Variants in CENPW observed in about 807,000 individuals in gnomAD.
The protein encoded by CENPW is centromere protein W, also known as cancer-up-regulated gene 2 protein.
Under a neutral mutation model 11.1 loss-of-function variants are expected in CENPW, and 3 were observed. The ratio of observed to expected loss-of-function variants is 0.27; its 90% confidence interval spans 0.12 to 0.70. CENPW has a LOEUF of 0.70. Ranked by LOEUF, CENPW falls within the 30% of genes least tolerant of loss-of-function variation. CENPW has a pLI of 0.77. For synonymous variants in CENPW, 38 were observed against 42.0 expected (o/e 0.91, Z 0.37); for missense variants, 100 against 105.6 (o/e 0.95, Z 0.23).
intron 2 of CENPW, among the ~76,000 whole-genome samples, chr6:126,347,986 A>G (rs911407052): frequency 1.3e-5 from 2 of 151,972 alleles, no homozygotes; most frequent in Non-Finnish European, 2.9e-5. Flanking sequence ...CAGTCCAACT[A>G]TAAGAAATTT....
the CENPW span, among the ~76,000 whole-genome samples, chr6:126,449,760 G>A: frequency 6.6e-6 from 1 of 151,020 alleles, no homozygotes; most frequent in East Asian, 2.0e-4. Context: ...TATCCATCAA[G>A]CCTTCTATAA....
chr6:126,449,123 T>G, the CENPW span, among the ~76,000 whole-genome samples: 17 of 151,238 alleles, frequency 1.1e-4, no homozygotes, highest in African/African-American at 4.1e-4. Context: ...TTCTTTGATC[T>G]CTTTTAAAGA....
At chr6:126,396,625 T>C in the CENPW span, among the ~76,000 whole-genome samples, 1 of 152,046 alleles carries the variant, frequency 6.6e-6, no homozygotes, top group East Asian at 1.9e-4. Context: ...AGAAGGAGTC[T>C]CTCACCATAT....
the CENPW span, among the ~76,000 whole-genome samples, chr6:126,370,425 T>A: frequency 6.6e-6 from 1 of 152,234 alleles, no homozygotes; most frequent in African/African-American, 2.4e-5. Flanking sequence ...GTGTGTCATT[T>A]GTGATTTCTT....
At chr6:126,466,751 C>T in the CENPW span, among the ~76,000 whole-genome samples, 1 of 151,942 alleles carries the variant, frequency 6.6e-6, no homozygotes, top group South Asian at 2.1e-4. Context: ...ATAGTCTTGA[C>T]CCAAAAGCTC....
downstream of CENPW, among the ~76,000 whole-genome samples, chr6:126,351,197 T>C (rs994532367): frequency 6.6e-6 from 1 of 150,908 alleles, no homozygotes; most frequent in Non-Finnish European, 1.5e-5. Context: ...TGAGGGAAGT[T>C]GCTAGAGTCA....
At chr6:126,474,139 T>C in the CENPW span, among the ~76,000 whole-genome samples, 1 of 151,426 alleles carries the variant, frequency 6.6e-6, no homozygotes, top group South Asian at 2.1e-4. Flanking sequence ...ATATATATCT[T>C]TTCATATATG....
the CENPW span, among the ~76,000 whole-genome samples, chr6:126,431,290 T>A: frequency 6.6e-6 from 1 of 152,186 alleles, no homozygotes; most frequent in Non-Finnish European, 1.5e-5. Flanking sequence ...GTTTTTTGCT[T>A]GTTTGTTTTA....
At chr6:126,406,455 T>G in the CENPW span, among the ~76,000 whole-genome samples, 1 of 152,276 alleles carries the variant, frequency 6.6e-6, no homozygotes, top group African/African-American at 2.4e-5. Context: ...TAAAATTTGG[T>G]TTTACTATCA....
chr6:126,382,872 A>G, the CENPW span, among the ~76,000 whole-genome samples: 1 of 152,206 alleles, frequency 6.6e-6, no homozygotes, highest in Non-Finnish European at 1.5e-5. Flanking sequence ...TCAGGTTATC[A>G]TCCATGAGAA....
chr6:126,417,781 T>C, the CENPW span, among the ~76,000 whole-genome samples: 2 of 152,210 alleles, frequency 1.3e-5, no homozygotes, highest in African/African-American at 4.8e-5. Flanking sequence ...GAAAATGGAC[T>C]AATACATTTG....
At chr6:126,340,662 A>G (rs1348539997) in intron 1 of CENPW, among the ~76,000 whole-genome samples, 1 of 152,228 alleles carries the variant, frequency 6.6e-6, no homozygotes, top group Non-Finnish European at 1.5e-5. Flanking sequence ...AGCTTAACGT[A>G]CAGTTACTGC....
the CENPW span, among the ~76,000 whole-genome samples, chr6:126,421,168 A>G: frequency 4.6e-5 from 7 of 152,072 alleles, no homozygotes; most frequent in Admixed American, 1.3e-4. Context: ...CATACTGTCA[A>G]TCCATCTCAT....
At chr6:126,364,486 C>T in the CENPW span, among the ~76,000 whole-genome samples, 1 of 152,298 alleles carries the variant, frequency 6.6e-6, no homozygotes, top group Admixed American at 6.5e-5. Context: ...GCTTCTCCTA[C>T]TCTCTCCAGA....
chr6:126,392,887 A>C, the CENPW span, among the ~76,000 whole-genome samples: 1 of 151,670 alleles, frequency 6.6e-6, no homozygotes, highest in South Asian at 2.1e-4. Flanking sequence ...GTACTTCTTT[A>C]ACTGGAAAAA....
At chr6:126,368,650 GT>G in the CENPW span, among the ~76,000 whole-genome samples, 47 of 144,320 alleles carry the variant, frequency 3.3e-4, no homozygotes, top group Non-Finnish European at 3.5e-4. Flanking sequence ...CCAATGTGTA[GT>G]TTTTTTTTTT....
chr6:126,397,206 G>T, the CENPW span, among the ~76,000 whole-genome samples: 1 of 152,058 alleles, frequency 6.6e-6, no homozygotes, highest in African/African-American at 2.4e-5. Context: ...TGGTGGCAAG[G>T]CTTGCTGAAA....
the CENPW span, among the ~76,000 whole-genome samples, chr6:126,405,398 G>C: frequency 6.6e-6 from 1 of 151,948 alleles, no homozygotes; most frequent in African/African-American, 2.4e-5. Flanking sequence ...TGCTGTTTTG[G>C]TTGCTATAGT....
At chr6:126,483,233 G>A in the CENPW span, among the ~76,000 whole-genome samples, 2 of 151,382 alleles carry the variant, frequency 1.3e-5, no homozygotes, top group African/African-American at 4.8e-5. Context: ...TAAATTTTCT[G>A]CAGAAAATTT....
Sources: gnomAD v4.1 joint callset for allele counts (sites outside exome capture counted in the v4.1 genomes callset) on GRCh38, gnomAD v4.1.1 for gene constraint, MANE v1.5 for transcripts, NCBI Gene and HGNC (gene_info 2026-07-23, HGNC 2026-07-21) for gene names.